SCGN: variants seen among roughly 807,000 people sequenced by gnomAD.
SCGN encodes the protein secretagogin.
SCGN carries 30 observed loss-of-function variants against 39.7 expected under a neutral mutation model. The observed-to-expected ratio is 0.76, with a 90% confidence interval of 0.57 to 1.03. The LOEUF is 1.03. Ranked by LOEUF, SCGN falls within the 50% of genes least tolerant of loss-of-function variation. The pLI is 0.00. For missense variants in SCGN, 353 were observed against 349.4 expected (o/e 1.01, Z -0.08); for synonymous variants, 106 against 114.1 (o/e 0.93, Z 0.45).
chr6:25,692,161 G>A (rs1247937398), intron 10 of SCGN, among the ~76,000 whole-genome samples: 2 of 152,204 alleles, frequency 1.3e-5, no homozygotes, highest in Non-Finnish European at 2.9e-5. Context: ...AATAACTGAT[G>A]AGTATTGGTG....
intron 6 of SCGN, among the ~76,000 whole-genome samples, chr6:25,670,640 A>G (rs544950674): frequency 1.3e-5 from 2 of 152,244 alleles, no homozygotes; most frequent in Non-Finnish European, 2.9e-5. Flanking sequence ...GTTAATGCAT[A>G]TGAAGCACTT....
Position 25,701,290 on chromosome 6 carries a change from G to A in SCGN, c.786G>A (p.Gln262=). 6.2e-7 allele frequency: 1 copy of A among 1,613,544 alleles called. No individual in the cohort carries two copies. Among genetic ancestry groups the A allele is most frequent in the East Asian group, 2.2e-5 (1 of 44,810 alleles). Residue 262 remains glutamine (Q), a synonymous_variant, in exon 11 of 11, where the codon CAG becomes CAA. Coordinates refer to ENST00000377961, the MANE Select transcript of SCGN (RefSeq NM_006998.4). The part of the protein sequence containing the change: ...HCDVNKDGKI[Q]KSELALCLGL... ...ACGTGAACAAGGATGGAAAAATTCA[G>A]AAGTCTGAGCTGGCTTTGTGTCTTG...
intron 7 of SCGN, among the ~76,000 whole-genome samples, chr6:25,682,711 G>T (rs558030412): frequency 6.6e-6 from 1 of 152,326 alleles, no homozygotes; most frequent in East Asian, 1.9e-4. Flanking sequence ...CTGCTTCAGG[G>T]CAGGGCTCAA....
At chr6:25,654,096 C>G (rs1425306081) in intron 2 of SCGN, among the ~76,000 whole-genome samples, 1 of 152,056 alleles carries the variant, frequency 6.6e-6, no homozygotes, top group Non-Finnish European at 1.5e-5. Flanking sequence ...AACACATGAG[C>G]GGAGGACAGC....
At chr6:25,695,249 T>C (rs1421359247) in intron 10 of SCGN, among the ~76,000 whole-genome samples, 1 of 152,146 alleles carries the variant, frequency 6.6e-6, no homozygotes, top group Non-Finnish European at 1.5e-5. Flanking sequence ...TGAGATATGA[T>C]TGACACTTAA....
intron 6 of SCGN, among the ~76,000 whole-genome samples, chr6:25,679,492 GT>G (rs1759608311): frequency 6.6e-6 from 1 of 152,162 alleles, no homozygotes; most frequent in Non-Finnish European, 1.5e-5. Flanking sequence ...AGGTGTGTGT[GT>G]GTGCAGGGGA....
At chr6:25,687,628 G>A (rs1406898680) in intron 7 of SCGN, among the ~76,000 whole-genome samples, 5 of 152,028 alleles carry the variant, frequency 3.3e-5, no homozygotes, top group Non-Finnish European at 7.4e-5. Flanking sequence ...TCTATAAAGA[G>A]ATAGTTTTAC....
chr6:25,689,501 A>T lies in SCGN; in HGVS notation c.602A>T (p.Asp201Val), dbSNP rs1248355820. The change falls in exon 9 of 11, where the codon GAC becomes GTC. Residue 201 changes from aspartate to valine, a missense_variant. Asp to Val is a radical substitution (Grantham distance 152, BLOSUM62 -3). Transcript: ENST00000377961. Reference protein sequence around the residue: ...DACSTEERKRDFEKIFAYYDV... With the variant: ...DACSTEERKRVFEKIFAYYDV... ...TGTTCTACTGAAGAAAGGAAAAGGG[A>T]CTTTGAGAAAATCTTTGCCTACTAT... is the stretch of plus-strand genomic sequence containing the variant. 1 of 1,613,770 alleles carries T rather than the reference A, an allele frequency of 6.2e-7. No homozygotes were observed. The highest frequency in any genetic ancestry group is 2.2e-5 in the East Asian group (1 of 44,872).
chr6:25,679,859 C>A (rs1000230399), intron 6 of SCGN, among the ~76,000 whole-genome samples: 1 of 151,224 alleles, frequency 6.6e-6, no homozygotes, highest in East Asian at 1.9e-4. Context: ...TAGTCTATGG[C>A]ACCAGATGTT....
chr6:25,652,303 C>T lies in SCGN; in HGVS notation c.-101C>T, dbSNP rs1760147138. The T allele has an allele frequency of 1.1e-6, 1 of 913,678 alleles. No individual in the cohort carries two copies. The highest frequency in any genetic ancestry group is 1.8e-6 in the Non-Finnish European group (1 of 562,220). 56.6% of individuals were successfully genotyped at this position (913,678 alleles called of 1,614,324 possible). On this transcript the variant is annotated 5_prime_UTR_variant, in exon 1 of 11. Coordinates refer to ENST00000377961, the MANE Select transcript of SCGN (RefSeq NM_006998.4). Reference sequence around the variant, plus strand: ...CAGTTACTCAAAGCTAATCAGATAGCGAAAGAAGCAGGAGAGCAAGTCAAG... The same window carrying T: ...CAGTTACTCAAAGCTAATCAGATAGTGAAAGAAGCAGGAGAGCAAGTCAAG...
chr6:25,682,756 C>T (rs1582584349), intron 7 of SCGN, among the ~76,000 whole-genome samples: 1 of 152,164 alleles, frequency 6.6e-6, no homozygotes, highest in Non-Finnish European at 1.5e-5. Context: ...TTACAGGCTG[C>T]AGCGCAGCAG....
At chr6:25,666,333 T>C (rs890716607) in intron 4 of SCGN, among the ~76,000 whole-genome samples, 3 of 152,038 alleles carry the variant, frequency 2.0e-5, no homozygotes, top group Non-Finnish European at 4.4e-5. Context: ...CCAGCCTCAG[T>C]GACAAGAGGG....
intron 2 of SCGN, among the ~76,000 whole-genome samples, chr6:25,659,464 C>A (rs1049777940): frequency 8.5e-5 from 13 of 152,298 alleles, no homozygotes; most frequent in Admixed American, 6.5e-4. Flanking sequence ...AGCTGCATCA[C>A]CCTTCTGGCC....
chr6:25,699,453 G>C (rs933023893), intron 10 of SCGN, among the ~76,000 whole-genome samples: 1 of 151,730 alleles, frequency 6.6e-6, no homozygotes, highest in Non-Finnish European at 1.5e-5. Flanking sequence ...AGCCGGGTGT[G>C]GTGGTGGGCA....
chr6:25,701,630 G>C lies in SCGN; in HGVS notation c.*295G>C, dbSNP rs79999623. 9.5e-5 allele frequency: 23 copies of C among 243,330 alleles called. No homozygotes were observed. Among genetic ancestry groups the C allele is most frequent in the Admixed American group, 2.3e-4 (4 of 17,304 alleles). 15.1% of individuals were successfully genotyped at this position (243,330 alleles called of 1,614,324 possible). A position where few individuals can be genotyped will look rare whatever the true frequency, so the allele number is the denominator to read the frequency against. ...CCTGTCCTTCCCCAGTCACCAGGGT[G>C]GGGGGGACAGGGGCAGCTGAGTGCA... On this transcript the variant is annotated 3_prime_UTR_variant, in exon 11 of 11. Transcript: ENST00000377961.
chr6:25,673,537 G>A (rs923451383), intron 6 of SCGN, among the ~76,000 whole-genome samples: 16 of 152,160 alleles, frequency 1.1e-4, no homozygotes, highest in African/African-American at 3.6e-4. Flanking sequence ...AGATTCGTAA[G>A]TCTAGAGTCC....
chr6:25,661,671 G>A, intron 3 of SCGN, 27 bp downstream of exon 3: 1 of 1,426,836 alleles, frequency 7.0e-7, no homozygotes, highest in Non-Finnish European at 9.9e-7. Context: ...TATTTTTCAT[G>A]GCTCTACTCT....
At chr6:25,666,958 T>G (rs1246594299) in intron 4 of SCGN, among the ~76,000 whole-genome samples, 1 of 152,146 alleles carries the variant, frequency 6.6e-6, no homozygotes, top group Non-Finnish European at 1.5e-5. Context: ...ACATTTTTAA[T>G]AAAAATAACA....
At chr6:25,665,124 G>C in intron 4 of SCGN, 92 bp downstream of exon 4, 1 of 939,246 alleles carries the variant, frequency 1.1e-6, no homozygotes, top group Non-Finnish European at 1.7e-6. Flanking sequence ...CTCCTGCCCA[G>C]TGCTCAAGGG....
Sources: allele counts gnomAD v4.1 joint callset (sites outside exome capture counted in the v4.1 genomes callset), GRCh38; gene constraint gnomAD v4.1.1; transcripts MANE v1.5; gene names NCBI Gene and HGNC (gene_info 2026-07-23, HGNC 2026-07-21).